Variants in KCNMA1 observed in about 807,000 individuals in gnomAD.
The protein encoded by KCNMA1 is potassium calcium-activated channel subfamily M alpha 1, also known as Calcium-activated potassium channel subunit alpha-1.
A neutral mutation model predicts 140.0 loss-of-function variants in KCNMA1; 29 were observed. The observed-to-expected ratio is 0.21, with a 90% CI of 0.15 to 0.28. KCNMA1 has a LOEUF of 0.28. Among genes scored for constraint, KCNMA1 ranks in the 10% least tolerant of loss-of-function variants. The pLI is 1.00. For synonymous variants in KCNMA1, 612 were observed against 611.9 expected, an observed-to-expected ratio of 1.00 and a Z score of 0.00; for missense variants, 880 against 1,602.2, an observed-to-expected ratio of 0.55 and a Z score of 7.70.
chr10:77,340,858 T>C (rs1437283930), intron 2 of KCNMA1, among the ~76,000 whole-genome samples: 1 of 145,490 alleles, frequency 6.9e-6, no homozygotes, highest in Non-Finnish European at 1.5e-5. Flanking sequence ...ACTTAAAGTA[T>C]AATTTAAAAA....
chr10:77,541,604 C>T (rs1213119854), intron 1 of KCNMA1, among the ~76,000 whole-genome samples: 2 of 152,092 alleles, frequency 1.3e-5, no homozygotes, highest in African/African-American at 2.4e-5. Context: ...ACCTTAGAAA[C>T]TATTCAGTGT....
chr10:77,148,738 C>A (rs560490678), intron 5 of KCNMA1, among the ~76,000 whole-genome samples: 2 of 152,246 alleles, frequency 1.3e-5, no homozygotes, highest in South Asian at 2.1e-4. Context: ...AGAAAACTAG[C>A]CACAGATGAT....
At chr10:77,024,008 A>C (rs1477468011) in intron 16 of KCNMA1, among the ~76,000 whole-genome samples, 1 of 152,212 alleles carries the variant, frequency 6.6e-6, no homozygotes, top group Non-Finnish European at 1.5e-5. Flanking sequence ...GTAACTTTAG[A>C]AATGGCATTT....
At chr10:77,196,847 G>A (rs2040660594) in intron 3 of KCNMA1, among the ~76,000 whole-genome samples, 1 of 151,968 alleles carries the variant, frequency 6.6e-6, no homozygotes, top group Non-Finnish European at 1.5e-5. Context: ...TACAACCAAG[G>A]CATGTCTAAA....
intron 5 of KCNMA1, among the ~76,000 whole-genome samples, chr10:77,134,110 A>C (rs2097921588): frequency 6.6e-6 from 1 of 152,166 alleles, no homozygotes; most frequent in South Asian, 2.1e-4. Context: ...ATAGATAATA[A>C]GGGACAGAAA....
intron 1 of KCNMA1, among the ~76,000 whole-genome samples, chr10:77,453,384 A>AATAC: frequency 6.6e-6 from 1 of 152,130 alleles, no homozygotes; most frequent in South Asian, 2.1e-4. Context: ...TAAATAAATA[A>AATAC]ATAAATAATC....
intron 9 of KCNMA1, among the ~76,000 whole-genome samples, chr10:77,107,635 A>C (rs1264139949): frequency 6.6e-6 from 1 of 152,224 alleles, no homozygotes; most frequent in Non-Finnish European, 1.5e-5. Flanking sequence ...TGATCTGAGC[A>C]CACACTAAAA....
chr10:77,061,985 G>A (rs1410831471), intron 14 of KCNMA1, among the ~76,000 whole-genome samples: 1 of 152,164 alleles, frequency 6.6e-6, no homozygotes, highest in Non-Finnish European at 1.5e-5. Context: ...ATCAGTGGTT[G>A]CCAGGGCCTA....
intron 1 of KCNMA1, among the ~76,000 whole-genome samples, chr10:77,592,909 G>A (rs558392145): frequency 6.6e-6 from 1 of 152,286 alleles, no homozygotes; most frequent in Non-Finnish European, 1.5e-5. Context: ...CAAAGGCAGT[G>A]GGGTCCAATA....
intron 15 of KCNMA1, among the ~76,000 whole-genome samples, chr10:77,030,570 G>A (rs1019079971): frequency 4.6e-5 from 7 of 152,130 alleles, no homozygotes. Flanking sequence ...TAGTTCATGG[G>A]ATCAAAGATC....
intron 19 of KCNMA1, among the ~76,000 whole-genome samples, chr10:76,991,375 A>G (rs2082721403): frequency 6.6e-6 from 1 of 152,138 alleles, no homozygotes; most frequent in Non-Finnish European, 1.5e-5. Context: ...CTTCTTTCCC[A>G]TAATTTATCC....
intron 2 of KCNMA1, among the ~76,000 whole-genome samples, chr10:77,382,878 A>AT (rs1397709545): frequency 7.7e-5 from 10 of 129,860 alleles, no homozygotes; most frequent in Non-Finnish European, 1.3e-4. Flanking sequence ...AAAAAAAAAA[A>AT]AAAAAAAATA....
In KCNMA1 at chr10:76,886,939, A is replaced by T; in HGVS notation, c.*327T>A. On this transcript the variant is annotated 3_prime_UTR_variant, in exon 28 of 28. Transcript: ENST00000286628. ...ACATTAAATAAACTTGCTCTGCCTA[A>T]CTGACGTTGATCACAAGTGCTCCCT... 1 of 1,195,210 alleles carries T rather than the reference A, an allele frequency of 8.4e-7. No individual in the cohort carries two copies. The highest frequency in any genetic ancestry group is 1.6e-5 in the African/African-American group (1 of 63,604). 74.0% of individuals were successfully genotyped at this position (1,195,210 alleles called of 1,614,324 possible). A position where few individuals can be genotyped will look rare whatever the true frequency, so the allele number is the denominator to read the frequency against.
intron 2 of KCNMA1, among the ~76,000 whole-genome samples, chr10:77,259,293 G>C (rs185447769): frequency 3.3e-5 from 5 of 152,134 alleles, no homozygotes; most frequent in Admixed American, 3.3e-4. Context: ...CCAGATAAGA[G>C]TAAAACTGAT....
chr10:76,922,579 T>C (rs1397070251), intron 23 of KCNMA1, among the ~76,000 whole-genome samples: 1 of 152,098 alleles, frequency 6.6e-6, no homozygotes, highest in African/African-American at 2.4e-5. Flanking sequence ...ATGTAAAAGA[T>C]GGTAAAGGTT....
intron 23 of KCNMA1, among the ~76,000 whole-genome samples, chr10:76,943,260 C>CA (rs1160655861): frequency 1.3e-5 from 2 of 152,200 alleles, no homozygotes; most frequent in African/African-American, 4.8e-5. Flanking sequence ...CCTAGGCCTT[C>CA]ACATGTTGTG....
At chr10:77,423,089 T>G (rs2096902090) in intron 1 of KCNMA1, among the ~76,000 whole-genome samples, 1 of 152,246 alleles carries the variant, frequency 6.6e-6, no homozygotes, top group Non-Finnish European at 1.5e-5. Context: ...TTGTCATCAC[T>G]GCTAGACAGT....
intron 2 of KCNMA1, among the ~76,000 whole-genome samples, chr10:77,322,362 T>C (rs1416469115): frequency 2.0e-5 from 3 of 152,224 alleles, no homozygotes; most frequent in East Asian, 1.9e-4. Flanking sequence ...TTAGAAACTC[T>C]TGGATTTCAG....
chr10:77,486,530 C>T (rs920101041), intron 1 of KCNMA1, among the ~76,000 whole-genome samples: 1 of 152,208 alleles, frequency 6.6e-6, no homozygotes, highest in African/African-American at 2.4e-5. Context: ...TAAATATTGG[C>T]TGTTCTTAAC....
Sources: gnomAD v4.1 joint callset for allele counts (sites outside exome capture counted in the v4.1 genomes callset) on GRCh38, gnomAD v4.1.1 for gene constraint, MANE v1.5 for transcripts, NCBI Gene and HGNC (gene_info 2026-07-23, HGNC 2026-07-21) for gene names.